The following DCC variants were observed in gnomAD, a reference collection of about 807,000 sequenced individuals.
The protein encoded by DCC is DCC netrin 1 receptor, also known as netrin receptor DCC.
DCC carries 58 observed loss-of-function variants against 172.5 expected under a neutral mutation model. The observed-to-expected ratio is 0.34, with a 90% confidence interval of 0.27 to 0.42. DCC has a LOEUF of 0.42. Ranked by LOEUF, DCC falls within the 10% of genes least tolerant of loss-of-function variation. The probability of loss-of-function intolerance (pLI) is 1.00; values close to 1 mark genes in which losing one functional copy is unlikely to be tolerated. For missense variants in DCC, 1,740 were observed against 1,791.0 expected (o/e 0.97, Z 0.51); for synonymous variants, 709 against 644.5 (o/e 1.10, Z -1.52).
chr18:52,516,010 AT>A (rs2031629064), intron 1 of DCC, among the ~76,000 whole-genome samples: 1 of 152,032 alleles, frequency 6.6e-6, no homozygotes, highest in Non-Finnish European at 1.5e-5. Flanking sequence ...GATTTTCAGC[AT>A]TTTTAGTCAT....
chr18:52,992,630 C>A (rs532167492), intron 5 of DCC, among the ~76,000 whole-genome samples: 1 of 148,178 alleles, frequency 6.7e-6, no homozygotes, highest in African/African-American at 2.6e-5. Context: ...GACAGTTGTG[C>A]AAACTCATAA....
chr18:52,765,199 A>ATT (rs369735420), intron 2 of DCC, among the ~76,000 whole-genome samples: 17,845 of 119,800 alleles, frequency 0.15, 1,795 homozygotes, highest in Middle Eastern at 0.23. Context: ...ACTCCTGGCT[A>ATT]ATTTTTTTTT....
chr18:52,816,613 G>GT (rs1300555951), intron 2 of DCC: 1 of 152,098 alleles, frequency 6.6e-6, no homozygotes, highest in Non-Finnish European at 1.5e-5. Context: ...ACCACTGAGT[G>GT]TTACCATTCC....
intron 1 of DCC, among the ~76,000 whole-genome samples, chr18:52,671,608 T>G (rs2035554895): frequency 6.8e-6 from 1 of 146,972 alleles, no homozygotes; most frequent in South Asian, 2.1e-4. Context: ...GGTGTGATCT[T>G]GGCTGACTGC....
intron 1 of DCC, among the ~76,000 whole-genome samples, chr18:52,698,982 C>T (rs1355177428): frequency 1.3e-5 from 2 of 151,992 alleles, no homozygotes; most frequent in African/African-American, 4.8e-5. Flanking sequence ...TAGCATGGGA[C>T]CAAGTCATGT....
chr18:53,461,568 G>A (rs1416379789), intron 24 of DCC, among the ~76,000 whole-genome samples: 6 of 151,980 alleles, frequency 3.9e-5, no homozygotes, highest in African/African-American at 1.5e-4. Flanking sequence ...TTTTTCTCAG[G>A]TTTGTCAAAG....
At chr18:52,956,407 G>T in intron 5 of DCC, among the ~76,000 whole-genome samples, 1 of 151,890 alleles carries the variant, frequency 6.6e-6, no homozygotes, top group East Asian at 1.9e-4. Flanking sequence ...TTCTATTTCT[G>T]AGCTCTCTGT....
chr18:53,080,618 T>G (rs780959479), intron 7 of DCC, among the ~76,000 whole-genome samples: 6 of 152,126 alleles, frequency 3.9e-5, no homozygotes, highest in Non-Finnish European at 8.8e-5. Context: ...GTGTGTTAGA[T>G]CAGAGCAGGA....
At chr18:52,709,658 C>CT (rs1409902313) in intron 1 of DCC, among the ~76,000 whole-genome samples, 1 of 152,136 alleles carries the variant, frequency 6.6e-6, no homozygotes, top group Non-Finnish European at 1.5e-5. Context: ...AATCTCCTAT[C>CT]AGTTCTAGTC....
intron 9 of DCC, among the ~76,000 whole-genome samples, chr18:53,190,215 C>T (rs2055345700): frequency 6.6e-6 from 1 of 152,062 alleles, no homozygotes; most frequent in Non-Finnish European, 1.5e-5. Flanking sequence ...CATGAGCCGA[C>T]ATGTCTGGCC....
At chr18:52,861,037 G>C (rs1028400182) in intron 2 of DCC, among the ~76,000 whole-genome samples, 1 of 149,350 alleles carries the variant, frequency 6.7e-6, no homozygotes, top group African/African-American at 2.4e-5. Flanking sequence ...AAAAATTTTG[G>C]CTTCACTGTG....
chr18:53,049,219 G>A (rs906473968), intron 5 of DCC, among the ~76,000 whole-genome samples: 1 of 151,810 alleles, frequency 6.6e-6, no homozygotes, highest in South Asian at 2.1e-4. Context: ...TGTTTCTATT[G>A]CAATTGTTTT....
chr18:52,925,127 T>C, intron 4 of DCC, 107 bp from the exon 5 acceptor site: 1 of 1,130,908 alleles, frequency 8.8e-7, no homozygotes, highest in Non-Finnish European at 1.3e-6. Flanking sequence ...CACAGTTTCT[T>C]TCAAGTGTCT....
chr18:52,587,121 G>T (rs1014708577), intron 1 of DCC, among the ~76,000 whole-genome samples: 5 of 152,196 alleles, frequency 3.3e-5, no homozygotes, highest in Admixed American at 6.5e-5. Flanking sequence ...GATGAAAGAT[G>T]TCCAATATAA....
At chr18:52,829,837 A>T (rs1403165201) in intron 2 of DCC, among the ~76,000 whole-genome samples, 5 of 152,176 alleles carry the variant, frequency 3.3e-5, no homozygotes, top group Admixed American at 2.0e-4. Flanking sequence ...GTGTTAAATA[A>T]GATAAGCAAT....
chr18:53,044,234 A>T (rs34719966), intron 5 of DCC, among the ~76,000 whole-genome samples: 214 of 152,026 alleles, frequency 1.4e-3, no homozygotes, highest in South Asian at 9.5e-3. Flanking sequence ...TGCTTGATGT[A>T]TAAAGCAAAG....
intron 14 of DCC, among the ~76,000 whole-genome samples, chr18:53,337,871 T>G (rs1443816216): frequency 6.6e-6 from 1 of 152,208 alleles, no homozygotes; most frequent in Non-Finnish European, 1.5e-5. Flanking sequence ...TAATATTACC[T>G]CTAGTCATCA....
intron 1 of DCC, among the ~76,000 whole-genome samples, chr18:52,496,945 A>G (rs1481635377): frequency 6.6e-6 from 1 of 151,996 alleles, no homozygotes; most frequent in African/African-American, 2.4e-5. Context: ...GAAAAGAGCC[A>G]CTTTACATAT....
At chr18:52,964,558 A>T (rs1232723182) in intron 5 of DCC, among the ~76,000 whole-genome samples, 1 of 152,028 alleles carries the variant, frequency 6.6e-6, no homozygotes, top group Non-Finnish European at 1.5e-5. Context: ...GTAGTGTTTG[A>T]GGGACTGTGG....
Sources: gnomAD v4.1 joint callset for allele counts (sites outside exome capture counted in the v4.1 genomes callset) on GRCh38, gnomAD v4.1.1 for gene constraint, MANE v1.5 for transcripts, NCBI Gene and HGNC (gene_info 2026-07-23, HGNC 2026-07-21) for gene names.